SLC35G1: variants seen among roughly 807,000 people sequenced by gnomAD.
The protein encoded by SLC35G1 is solute carrier family 35 member G1.
In SLC35G1, 10 loss-of-function variants were observed where a neutral mutation model predicts 17.1. The ratio of observed to expected loss-of-function variants is 0.59; its 90% CI spans 0.36 to 0.99. The LOEUF (loss-of-function observed/expected upper bound fraction) is 0.99. SLC35G1 is among the 50% of genes least tolerant of loss of function. The probability of loss-of-function intolerance (pLI) is 0.01; values close to 1 mark genes in which losing one functional copy is unlikely to be tolerated. For synonymous variants in SLC35G1, 185 were observed against 181.1 expected, an observed-to-expected ratio of 1.02 and a Z score of -0.18; for missense variants, 433 against 468.4, an observed-to-expected ratio of 0.92 and a Z score of 0.70.
chr10:93,908,187 A>G (rs1329163352), downstream of SLC35G1: 3 of 152,198 alleles, frequency 2.0e-5, no homozygotes, highest in African/African-American at 7.2e-5. Context: ...CACCAAAACA[A>G]TTTTTACTTG....
intron 1 of SLC35G1, among the ~76,000 whole-genome samples, chr10:93,896,313 T>G (rs1488001782): frequency 6.6e-6 from 1 of 152,172 alleles, no homozygotes; most frequent in African/African-American, 2.4e-5. Flanking sequence ...TTTTAAGTGT[T>G]ACTCAGGTGA....
chr10:93,900,525 C>T (rs1015962940), intron 2 of SLC35G1, among the ~76,000 whole-genome samples: 2 of 151,950 alleles, frequency 1.3e-5, no homozygotes, highest in Non-Finnish European at 2.9e-5. Context: ...ATGTAATTCA[C>T]TTGCACTGGT....
Position 93,898,609 on chromosome 10 carries a change from T to C in SLC35G1, c.217T>C (p.Phe73Leu), listed in dbSNP as rs769612329. The C allele has an allele frequency of 4.3e-6, 7 of 1,612,048 alleles. No homozygotes were observed. Among genetic ancestry groups the C allele is most frequent in the Non-Finnish European group, 5.9e-6 (7 of 1,179,432 alleles). The change falls in exon 2 of 3, where the codon TTT becomes CTT. Residue 73 changes from phenylalanine (F) to leucine (L), a missense_variant. Coordinates refer to ENST00000427197, the MANE Select transcript of SLC35G1 (RefSeq NM_001134658.3). Reference sequence around the variant, plus strand: ...AGCACCCTGTCCTGGACTTGGCTTGTTTTACACATTATTGTCTGCCTTCCT... The same window carrying C: ...AGCACCCTGTCCTGGACTTGGCTTGCTTTACACATTATTGTCTGCCTTCCT... ...KKAPCPGLGLFYTLLSAFLFS... is the reference protein window; with the variant it reads ...KKAPCPGLGLLYTLLSAFLFS...
rs1370949247 is a variant in SLC35G1, at chr10:93,900,797, C to G, written c.405C>G (p.Leu135=). ...AAGGTCAACGAATTTTCCTCATTCT[C>G]AGAGGAGTCCTTGGTTCTACCGCCA... ...GPKGQRIFLI[L]RGVLGSTAMM... Residue 135 remains leucine, a synonymous_variant, in exon 3 of 3, where the codon CTC becomes CTG. Coordinates refer to ENST00000427197, the MANE Select transcript of SLC35G1 (RefSeq NM_001134658.3). 1.2e-6 allele frequency: 2 copies of G among 1,612,768 alleles called. No individual in the cohort carries two copies. The highest frequency in any genetic ancestry group is 1.3e-5 in the African/African-American group (1 of 74,886).
At chr10:93,904,647 G>T (rs1183469462), downstream of SLC35G1, among the ~76,000 whole-genome samples, 1 of 152,180 alleles carries the variant, frequency 6.6e-6, no homozygotes, top group Non-Finnish European at 1.5e-5. Flanking sequence ...GGAAGAGTGG[G>T]TAAAGCACTG....
chr10:93,900,696 A>G (rs1206373412), intron 2 of SLC35G1, 56 bp from the exon 3 acceptor site: 9 of 1,398,224 alleles, frequency 6.4e-6, no homozygotes, highest in Middle Eastern at 1.9e-4. Flanking sequence ...ACAAATTGTA[A>G]TTTAAAAACA....
chr10:93,907,820 T>C (rs2060437865), downstream of SLC35G1: 1 of 108,770 alleles, frequency 9.2e-6, no homozygotes, highest in Admixed American at 9.6e-5. Flanking sequence ...TAAAATAAAA[T>C]AAAATAAAAT....
In SLC35G1 at chr10:93,894,155, A is replaced by C; in HGVS notation, c.122A>C (p.Asp41Ala). The C allele has an allele frequency of 6.7e-7, 1 of 1,481,660 alleles. No homozygotes were observed. The highest frequency in any genetic ancestry group is 8.9e-7 in the Non-Finnish European group (1 of 1,123,568). The allele number at this position is 1,481,660 out of a possible 1,614,324, so 91.8% of individuals were successfully genotyped here. The change falls in exon 1 of 3, where the codon GAC becomes GCC. Residue 41 changes from aspartate (D) to alanine (A), a missense_variant. Physicochemically the swap from Asp to Ala is moderately radical, Grantham distance 126. Transcript: ENST00000427197. The part of the protein sequence containing the change: ...PAAAEAAGAP[D>A]RGRCWLCLSS... ...GCCGCCGAGGCAGCTGGGGCGCCAG[A>C]CCGCGGTAGGTGCTGGCTCTGCCTT...
rs2060374482 is a variant in SLC35G1, at chr10:93,900,740, T to C, written c.360-12T>C. The C allele has an allele frequency of 1.3e-6, 2 of 1,523,890 alleles. No homozygotes were observed. The highest frequency in any genetic ancestry group is 2.1e-5 in the Admixed American group (1 of 46,840). The allele number at this position is 1,523,890 out of a possible 1,614,324, so 94.4% of individuals were successfully genotyped here. A position where few individuals can be genotyped will look rare whatever the true frequency, so the allele number is the denominator to read the frequency against. ...TTTCATTTAATATGCATTTCTTCATTTGAATTTACAGAACTGGGTTTATAG... is the reference window on the plus strand; with the variant it reads ...TTTCATTTAATATGCATTTCTTCATCTGAATTTACAGAACTGGGTTTATAG... On this transcript the variant is annotated splice_polypyrimidine_tract_variant and intron_variant, in intron 2 of 2. Transcript: ENST00000427197.
chr10:93,906,715 T>C (rs753076001), downstream of SLC35G1, among the ~76,000 whole-genome samples: 2 of 152,096 alleles, frequency 1.3e-5, no homozygotes, highest in Non-Finnish European at 2.9e-5. Context: ...AAATTAGATA[T>C]ATAGGGGATA....
At chr10:93,894,970 G>T (rs1174912419) in intron 1 of SLC35G1, among the ~76,000 whole-genome samples, 1 of 152,160 alleles carries the variant, frequency 6.6e-6, no homozygotes, top group Non-Finnish European at 1.5e-5. Context: ...GAGCACCAGG[G>T]TTAGGATCCC....
At chr10:93,900,693 G>A (rs952278546) in intron 2 of SLC35G1, 59 bp from the exon 3 acceptor site, 2 of 1,366,902 alleles carry the variant, frequency 1.5e-6, no homozygotes, top group Non-Finnish European at 1.9e-6. Flanking sequence ...ATTACAAATT[G>A]TAATTTAAAA....
intron 1 of SLC35G1, among the ~76,000 whole-genome samples, chr10:93,896,816 A>C (rs2060334754): frequency 6.6e-6 from 1 of 152,206 alleles, no homozygotes. Flanking sequence ...AAAAATTAGC[A>C]AGTTTATGTT....
chr10:93,894,873 C>T (rs950242260), intron 1 of SLC35G1, among the ~76,000 whole-genome samples: 1 of 152,070 alleles, frequency 6.6e-6, no homozygotes, highest in African/African-American at 2.4e-5. Flanking sequence ...AAAGTGAGGC[C>T]CAGGAAGGTG....
In SLC35G1 at chr10:93,898,757, T is replaced by C. The variant is rs759329560; in HGVS notation, c.359+6T>C. 1 of 1,593,350 alleles carries C rather than the reference T, an allele frequency of 6.3e-7. No homozygotes were observed. The highest frequency in any genetic ancestry group is 1.4e-5 in the African/African-American group (1 of 73,300). Reference sequence around the variant, plus strand: ...CCTTGCTTAATATACAGAAAGTAAGTATTTTTTAACTGCAAAGTAGAAGAT... The same window carrying C: ...CCTTGCTTAATATACAGAAAGTAAGCATTTTTTAACTGCAAAGTAGAAGAT... On this transcript the variant is annotated splice_donor_region_variant and intron_variant, in intron 2 of 2. Coordinates refer to ENST00000427197, the MANE Select transcript of SLC35G1 (RefSeq NM_001134658.3).
chr10:93,900,464 C>T (rs2060372527), intron 2 of SLC35G1, among the ~76,000 whole-genome samples: 1 of 152,142 alleles, frequency 6.6e-6, no homozygotes, highest in African/African-American at 2.4e-5. Flanking sequence ...CATATATATA[C>T]ATATACGTGG....
rs962770155 is a variant in SLC35G1, at chr10:93,902,256, T to C, written c.*766T>C. 1 of 152,640 alleles carries C rather than the reference T, an allele frequency of 6.6e-6. No individual in the cohort carries two copies. The highest frequency in any genetic ancestry group is 2.4e-5 in the African/African-American group (1 of 41,464). The allele number at this position is 152,640 out of a possible 1,614,324, so 9.5% of individuals were successfully genotyped here. The stretch of plus-strand genomic sequence containing the variant: ...AATTGTCCTCACTTTTTTTTGAAAC[T>C]GCACTAAATTTTTCTTAACATTCCA... On this transcript the variant is annotated 3_prime_UTR_variant, in exon 3 of 3. Transcript: ENST00000427197.
At chr10:93,904,131 C>T (rs577252345), downstream of SLC35G1, among the ~76,000 whole-genome samples, 2 of 152,270 alleles carry the variant, frequency 1.3e-5, no homozygotes, top group South Asian at 2.1e-4. Context: ...TTACTAAATC[C>T]TGAAGAGTCT....
intron 1 of SLC35G1, among the ~76,000 whole-genome samples, chr10:93,897,553 G>C (rs750978491): frequency 2.6e-5 from 4 of 152,126 alleles, no homozygotes; most frequent in African/African-American, 9.7e-5. Flanking sequence ...AATATATCCC[G>C]CAGTGTGTGA....
Sources: allele counts gnomAD v4.1 joint callset (sites outside exome capture counted in the v4.1 genomes callset), GRCh38; gene constraint gnomAD v4.1.1; transcripts MANE v1.5; gene names NCBI Gene and HGNC (gene_info 2026-07-23, HGNC 2026-07-21).